The following MACROD1 variants were observed in gnomAD, a reference collection of about 807,000 sequenced individuals.
The protein encoded by MACROD1 is ADP-ribose glycohydrolase MACROD1.
A neutral mutation model predicts 41.4 loss-of-function variants in MACROD1; 31 were observed. The ratio of observed to expected loss-of-function variants is 0.75; its 90% CI spans 0.56 to 1.01. The LOEUF is 1.01. Ranked by LOEUF, MACROD1 falls within the 50% of genes least tolerant of loss-of-function variation. The probability of loss-of-function intolerance (pLI) is 0.00; values close to 1 mark genes in which losing one functional copy is unlikely to be tolerated. For synonymous variants in MACROD1, 252 were observed against 203.4 expected (o/e 1.24, Z -2.03); for missense variants, 473 against 460.0 (o/e 1.03, Z -0.26).
At chr11:64,118,218 C>T in intron 3 of MACROD1, 1 of 1,613,132 alleles carries the variant, frequency 6.2e-7, no homozygotes, top group Non-Finnish European at 8.5e-7. Context: ...CAAGGCCACA[C>T]ACACCATTGG....
chr11:64,004,160 C>T (rs184620260), intron 4 of MACROD1, among the ~76,000 whole-genome samples: 4 of 152,330 alleles, frequency 2.6e-5, no homozygotes, highest in Admixed American at 6.5e-5. Context: ...CCAGCCTCCA[C>T]GGCCAGCATT....
intron 3 of MACROD1, among the ~76,000 whole-genome samples, chr11:64,127,459 G>C (rs1945203029): frequency 6.6e-6 from 1 of 151,900 alleles, no homozygotes; most frequent in South Asian, 2.1e-4. Flanking sequence ...CCCCTCCCCG[G>C]GCCTTGCCCC....
chr11:64,067,143 G>C lies in MACROD1; in HGVS notation c.518-51862C>G, dbSNP rs1944019472. On this transcript the variant is annotated intron_variant, in intron 3 of 10. Coordinates refer to ENST00000255681, the MANE Select transcript of MACROD1 (RefSeq NM_014067.4). The surrounding 1 kb of genome is among the most constrained non-coding windows in gnomAD (Gnocchi z 4.6). ...CACAGGCCAGGGCCAAGTAGGCAGG[G>C]CTGGTGGGGGTGGGAGGCCGGCCAT... 6.6e-6 allele frequency among the ~76,000 whole-genome samples: 1 copy of C among 152,196 alleles called. No homozygotes were observed. Among genetic ancestry groups the C allele is most frequent in the Non-Finnish European group, 1.5e-5 (1 of 68,034 alleles).
At chr11:64,141,277 C>T (rs761881975) in intron 3 of MACROD1, among the ~76,000 whole-genome samples, 2 of 152,244 alleles carry the variant, frequency 1.3e-5, no homozygotes, top group Non-Finnish European at 2.9e-5. Flanking sequence ...CCGGCCAGGA[C>T]TCATCCAGGA....
chr11:64,039,867 G>GTCCCC (rs1441219516), intron 3 of MACROD1, among the ~76,000 whole-genome samples: 3 of 152,164 alleles, frequency 2.0e-5, no homozygotes, highest in Non-Finnish European at 4.4e-5. Context: ...AGAGCTGGTG[G>GTCCCC]CTAGTGAGGG....
At chr11:64,071,692 G>T (rs1944110264) in intron 3 of MACROD1, among the ~76,000 whole-genome samples, 1 of 152,182 alleles carries the variant, frequency 6.6e-6, no homozygotes, top group South Asian at 2.1e-4. Context: ...GGTGGTTATG[G>T]GGTGGTCATG....
At chr11:64,031,476 C>CT (rs386373983) in intron 3 of MACROD1, among the ~76,000 whole-genome samples, 11,225 of 114,430 alleles carry the variant, frequency 0.098, 946 homozygotes, top group Admixed American at 0.17. Flanking sequence ...GCCTGCCTTC[C>CT]TTTTTTTTTT....
intron 3 of MACROD1, among the ~76,000 whole-genome samples, chr11:64,129,338 C>T (rs911343198): frequency 6.6e-6 from 1 of 152,250 alleles, no homozygotes; most frequent in African/African-American, 2.4e-5. Context: ...ATAACAGCTC[C>T]ATCCCCGACT....
At chr11:64,131,520 T>A (rs1312305758) in intron 3 of MACROD1, among the ~76,000 whole-genome samples, 1 of 152,002 alleles carries the variant, frequency 6.6e-6, no homozygotes, top group Non-Finnish European at 1.5e-5. Context: ...AGAGATGGGG[T>A]TTCTCCATGT....
chr11:64,028,998 C>G (rs1943259744), intron 3 of MACROD1, among the ~76,000 whole-genome samples: 1 of 152,206 alleles, frequency 6.6e-6, no homozygotes, highest in Non-Finnish European at 1.5e-5. Context: ...CCCCAGGACT[C>G]TGGGAGAGGG....
rs983318488 is a variant in MACROD1 at position 64,125,888 on chromosome 11, T to C, written c.517+25351A>G. Among the ~76,000 whole-genome samples the C allele has an allele frequency of 7.9e-5, 12 of 152,210 alleles. 1 individual carries two copies. Among genetic ancestry groups the C allele is most frequent in the Admixed American group, 7.2e-4 (11 of 15,286 alleles). On this transcript the variant is annotated intron_variant, in intron 3 of 10. Coordinates refer to ENST00000255681, the MANE Select transcript of MACROD1 (RefSeq NM_014067.4). ...ATCCCTGCATCTGGAGCCACCCACCTGGAGGAACTCATCGGGCTTCCTCTG... is the reference window on the plus strand; with the variant it reads ...ATCCCTGCATCTGGAGCCACCCACCCGGAGGAACTCATCGGGCTTCCTCTG...
chr11:64,107,876 G>C (rs550663631), intron 3 of MACROD1, among the ~76,000 whole-genome samples: 1 of 152,302 alleles, frequency 6.6e-6, no homozygotes, highest in South Asian at 2.1e-4. Context: ...ACGACTCAAG[G>C]CTCCCCTCCC....
intron 3 of MACROD1, among the ~76,000 whole-genome samples, chr11:64,099,042 G>A (rs1241767816): frequency 1.3e-5 from 2 of 152,220 alleles, no homozygotes; most frequent in African/African-American, 4.8e-5. Flanking sequence ...TACTTCGGGA[G>A]GAAGCCCTGA....
rs549524669 is a variant in MACROD1 at position 64,014,401 on chromosome 11, C to T, written c.547+851G>A. ...GGCTGGTCACCGACAGCTCTTAATGCTGCTCTTATTTATTCCTGACCTTTA... is the reference window on the plus strand; with the variant it reads ...GGCTGGTCACCGACAGCTCTTAATGTTGCTCTTATTTATTCCTGACCTTTA... On this transcript the variant is annotated intron_variant, in intron 4 of 10. Coordinates refer to ENST00000255681, the MANE Select transcript of MACROD1 (RefSeq NM_014067.4). Among the ~76,000 whole-genome samples, 113 of 152,370 alleles carry T rather than the reference C, an allele frequency of 7.4e-4. 1 individual carries two copies. Among genetic ancestry groups the T allele is most frequent in the South Asian group, 6.2e-4 (3 of 4,830 alleles).
intron 3 of MACROD1, among the ~76,000 whole-genome samples, chr11:64,054,602 G>A (rs948853958): frequency 3.9e-5 from 6 of 152,152 alleles, no homozygotes; most frequent in Admixed American, 2.6e-4. Flanking sequence ...GGCAAGCCAC[G>A]GTTCCTGGGC....
intron 4 of MACROD1, among the ~76,000 whole-genome samples, chr11:64,002,152 A>G (rs1942835909): frequency 6.6e-6 from 1 of 152,144 alleles, no homozygotes; most frequent in African/African-American, 2.4e-5. Flanking sequence ...CAGGGTGTTC[A>G]CAGTGTGTGG....
chr11:64,039,593 AC>A (rs1279620962), intron 3 of MACROD1, among the ~76,000 whole-genome samples: 1 of 151,668 alleles, frequency 6.6e-6, no homozygotes, highest in East Asian at 1.9e-4. Flanking sequence ...AAAGGACAGC[AC>A]CCCTGTTTTG....
intron 10 of MACROD1, 58 bp downstream of exon 10, chr11:63,998,780 G>C: frequency 6.9e-7 from 1 of 1,448,420 alleles, no homozygotes; most frequent in Non-Finnish European, 9.1e-7. Context: ...GTGAGCGGGG[G>C]TTAGTGGGCG....
chr11:64,124,554 G>A (rs888952063), intron 3 of MACROD1, among the ~76,000 whole-genome samples: 2 of 152,064 alleles, frequency 1.3e-5, no homozygotes, highest in Non-Finnish European at 2.9e-5. Context: ...CCCTCCCTCG[G>A]CATTTTTAAT....
Sources: gnomAD v4.1 joint callset for allele counts (sites outside exome capture counted in the v4.1 genomes callset) on GRCh38, gnomAD v4.1.1 for gene constraint, Gnocchi (gnomAD v3.1) non-coding constraint, MANE v1.5 for transcripts, NCBI Gene and HGNC (gene_info 2026-07-23, HGNC 2026-07-21) for gene names.